The following DMD variants were observed in gnomAD, a reference collection of about 807,000 sequenced individuals.
The protein encoded by DMD is dystrophin.
Under a neutral mutation model 330.1 loss-of-function variants are expected in DMD, and 63 were observed. The ratio of observed to expected loss-of-function variants is 0.19; its 90% CI spans 0.16 to 0.24. DMD has a LOEUF of 0.24. Ranked by LOEUF, DMD falls within the 10% of genes least tolerant of loss-of-function variation. The pLI is 1.00. For missense variants in DMD, 3,344 were observed against 2,684.1 expected (o/e 1.25, Z -5.43); for synonymous variants, 1,223 against 959.8 (o/e 1.27, Z -5.07).
chrX:32,824,883 G>T (rs754959892), intron 4 of DMD, among the ~76,000 whole-genome samples: 1 of 111,492 alleles, frequency 9.0e-6, no homozygotes, highest in Non-Finnish European at 1.9e-5. Context: ...AGGGGAGATT[G>T]ATCATTCAAG....
intron 62 of DMD, among the ~76,000 whole-genome samples, chrX:31,287,045 G>T (rs1270501987): frequency 8.9e-6 from 1 of 112,509 alleles, no homozygotes; most frequent in Non-Finnish European, 1.9e-5. Flanking sequence ...GGGATTACAG[G>T]CTTAAGCCAC....
chrX:32,853,102 G>A lies in DMD; in HGVS notation c.94-3282C>T, dbSNP rs145565706. ...CTGAAGGAAAAGACCCTTTATGCTA[G>A]GATAGTGCATCCAGTGAAAATCTCC... On this transcript the variant is annotated intron_variant, in intron 2 of 78. Transcript: ENST00000357033. 8.0e-3 allele frequency among the ~76,000 whole-genome samples: 898 copies of A among 112,338 alleles called. 5 individuals carry two copies. Among genetic ancestry groups the A allele is most frequent in the East Asian group, 0.05 (178 of 3,567 alleles).
At chrX:31,837,057 A>C (rs763561566) in intron 48 of DMD, among the ~76,000 whole-genome samples, 6 of 111,859 alleles carry the variant, frequency 5.4e-5, no homozygotes, top group African/African-American at 1.3e-4. Flanking sequence ...ATAGAAACAC[A>C]GGCATTAACT....
At chrX:31,859,242 G>A (rs932956546) in intron 48 of DMD, among the ~76,000 whole-genome samples, 2 of 111,347 alleles carry the variant, frequency 1.8e-5, no homozygotes, top group Non-Finnish European at 1.9e-5. Flanking sequence ...AGGAGCAGGA[G>A]GAGAGCAAGG....
intron 1 of DMD, among the ~76,000 whole-genome samples, chrX:33,223,291 A>G (rs758279523): frequency 6.2e-5 from 7 of 112,111 alleles, no homozygotes; most frequent in African/African-American, 2.3e-4. Flanking sequence ...AGCCTGGGTG[A>G]CAGAGAGAGG....
At chrX:33,011,407 C>A (rs1330419991) in intron 2 of DMD, among the ~76,000 whole-genome samples, 1 of 111,848 alleles carries the variant, frequency 8.9e-6, no homozygotes, top group Non-Finnish European at 1.9e-5. Context: ...CATGCAATTC[C>A]TTCTGCCTTC....
rs1285769215 is a variant in DMD, at chrX:32,136,462, A to C, written c.6438+80454T>G. Reference sequence around the variant, plus strand: ...AGGCATATGTTCCTTTATGAAAAACATTCCATTCCTGGCAGCCGAAGTCAA... The same window carrying C: ...AGGCATATGTTCCTTTATGAAAAACCTTCCATTCCTGGCAGCCGAAGTCAA... On this transcript the variant is annotated intron_variant, in intron 44 of 78. Transcript: ENST00000357033. Among the ~76,000 whole-genome samples the C allele has an allele frequency of 3.6e-5, 4 of 112,662 alleles. No individual in the cohort carries two copies. In the South Asian group the frequency reaches 1.4e-3, roughly 41 times the overall value.
At chrX:32,652,677 G>A (rs892648527) in intron 9 of DMD, among the ~76,000 whole-genome samples, 7 of 110,803 alleles carry the variant, frequency 6.3e-5, no homozygotes, top group East Asian at 2.9e-4. Context: ...ACTGTAATGG[G>A]ATAAAATGGG....
chrX:32,665,785 G>A (rs2061264836), intron 9 of DMD, among the ~76,000 whole-genome samples: 1 of 112,075 alleles, frequency 8.9e-6, no homozygotes, highest in Non-Finnish European at 1.9e-5. Context: ...TTCCCTTATG[G>A]CGCCATGTCT....
At chrX:32,843,877 T>C (rs1025347539) in intron 4 of DMD, among the ~76,000 whole-genome samples, 1 of 111,968 alleles carries the variant, frequency 8.9e-6, no homozygotes, top group Admixed American at 9.5e-5. Context: ...GACTGTTTAC[T>C]TCTTCTAATG....
chrX:31,866,181 T>A (rs913333635), intron 48 of DMD, among the ~76,000 whole-genome samples: 2 of 111,335 alleles, frequency 1.8e-5, no homozygotes, highest in Non-Finnish European at 1.9e-5. Flanking sequence ...TTCAGCATAT[T>A]CCTCTTCAAA....
At chrX:31,357,747 C>T (rs1355585709) in intron 60 of DMD, among the ~76,000 whole-genome samples, 3 of 111,361 alleles carry the variant, frequency 2.7e-5, no homozygotes, top group South Asian at 3.8e-4. Flanking sequence ...TTCCACTTCC[C>T]GGCTCTCCTC....
At chrX:32,499,363 TA>T (rs776675303) in intron 19 of DMD, among the ~76,000 whole-genome samples, 2 of 111,841 alleles carry the variant, frequency 1.8e-5, no homozygotes, top group East Asian at 5.6e-4. Flanking sequence ...TTCACTGTGG[TA>T]AGCACACATC....
chrX:31,336,250 T>C (rs2057397013), intron 61 of DMD, among the ~76,000 whole-genome samples: 2 of 104,908 alleles, frequency 1.9e-5, no homozygotes, highest in African/African-American at 3.6e-5. Flanking sequence ...GATTCTCAAC[T>C]AGGGGCAATT....
At chrX:31,136,242 T>C (rs2035207732) in intron 76 of DMD, among the ~76,000 whole-genome samples, 1 of 111,329 alleles carries the variant, frequency 9.0e-6, no homozygotes, top group Non-Finnish European at 1.9e-5. Flanking sequence ...AGAAAAGGAA[T>C]AGTTACAAAC....
intron 41 of DMD, among the ~76,000 whole-genome samples, chrX:32,335,951 T>C (rs1368655668): frequency 1.9e-5 from 2 of 106,713 alleles, no homozygotes; most frequent in Non-Finnish European, 3.9e-5. Flanking sequence ...ACGTGTATGT[T>C]ATATATAACG....
chrX:32,184,920 A>C (rs538936576), intron 44 of DMD, among the ~76,000 whole-genome samples: 1 of 106,964 alleles, frequency 9.3e-6, no homozygotes, highest in South Asian at 4.3e-4. Context: ...ATTCCCTTAA[A>C]ACTATCTGTG....
intron 7 of DMD, among the ~76,000 whole-genome samples, chrX:32,751,516 G>A (rs1043274531): frequency 9.0e-6 from 1 of 111,604 alleles, no homozygotes; most frequent in Admixed American, 9.5e-5. Context: ...CTTGGGTCCT[G>A]TTAAGGCATT....
chrX:32,788,212 A>AT (rs2075555007), intron 7 of DMD, among the ~76,000 whole-genome samples: 1 of 111,949 alleles, frequency 8.9e-6, no homozygotes, highest in Non-Finnish European at 1.9e-5. Context: ...TAATAGTAGA[A>AT]TTTCTTGTCA....
Sources: allele counts gnomAD v4.1 joint callset (sites outside exome capture counted in the v4.1 genomes callset), GRCh38; gene constraint gnomAD v4.1.1; transcripts MANE v1.5; gene names NCBI Gene and HGNC (gene_info 2026-07-23, HGNC 2026-07-21).